Variants in SGCD observed in about 807,000 individuals in gnomAD.
The protein encoded by SGCD is delta-sarcoglycan.
In SGCD, 18 loss-of-function variants were observed where a neutral mutation model predicts 36.6. The ratio of observed to expected loss-of-function variants is 0.49; its 90% CI spans 0.34 to 0.73. The LOEUF (loss-of-function observed/expected upper bound fraction) is 0.73. Ranked by LOEUF, SGCD falls within the 30% of genes least tolerant of loss-of-function variation. The pLI is 0.01. For missense variants in SGCD, 387 were observed against 346.7 expected (o/e 1.12, Z -0.92); for synonymous variants, 133 against 130.6 (o/e 1.02, Z -0.12).
intron 7 of SGCD, among the ~76,000 whole-genome samples, chr5:156,695,124 G>T (rs1033012923): frequency 5.9e-5 from 7 of 118,624 alleles, no homozygotes; most frequent in Non-Finnish European, 1.1e-4. Context: ...GTGTGTGTGT[G>T]TGTGTGTGTG....
intron 3 of SGCD, among the ~76,000 whole-genome samples, chr5:156,200,371 G>T (rs1040697595): frequency 2.6e-5 from 4 of 152,046 alleles, no homozygotes; most frequent in African/African-American, 9.7e-5. Flanking sequence ...TGCATATATG[G>T]GCAAATAATT....
intron 6 of SGCD, among the ~76,000 whole-genome samples, chr5:156,595,535 A>T (rs1760892187): frequency 6.6e-6 from 1 of 151,940 alleles, no homozygotes; most frequent in South Asian, 2.1e-4. Context: ...AGGCAGTTGA[A>T]CCTCCCTGAG....
chr5:156,425,010 C>A (rs1338020921), intron 3 of SGCD, among the ~76,000 whole-genome samples: 3 of 151,974 alleles, frequency 2.0e-5, no homozygotes, highest in African/African-American at 7.2e-5. Context: ...CAGCATAAAC[C>A]CTATTGTCGA....
intron 4 of SGCD, among the ~76,000 whole-genome samples, chr5:156,514,411 G>A (rs1323391868): frequency 6.6e-6 from 1 of 152,170 alleles, no homozygotes; most frequent in Non-Finnish European, 1.5e-5. Context: ...TTTGAGGGTG[G>A]GTATAGGGCT....
intron 3 of SGCD, among the ~76,000 whole-genome samples, chr5:156,269,368 G>A (rs1001700020): frequency 3.3e-5 from 5 of 150,688 alleles, no homozygotes; most frequent in African/African-American, 1.2e-4. Flanking sequence ...TACTCAGGAG[G>A]CTGAAGCAGG....
At chr5:156,085,327 C>T (rs147079942) in intron 1 of SGCD, among the ~76,000 whole-genome samples, 14 of 152,192 alleles carry the variant, frequency 9.2e-5, no homozygotes, top group Middle Eastern at 3.4e-3. Flanking sequence ...TTATGGGGGA[C>T]GATCCCTCAT....
Position 156,540,909 on chromosome 5 carries a change from C to T in SGCD, c.294+32207C>T, listed in dbSNP as rs78756971. 0.012 allele frequency among the ~76,000 whole-genome samples: 1,884 copies of T among 152,176 alleles called. 93 individuals carry two copies. In the East Asian group the frequency reaches 0.17, roughly 14 times the overall value. ...ATTTTTTAAAAGATAAACATTTTCC[C>T]GCTTCCATGGAGTTAATAATCTAGT... is the stretch of plus-strand genomic sequence containing the variant. On this transcript the variant is annotated intron_variant, in intron 4 of 8. Transcript: ENST00000337851.
intron 3 of SGCD, among the ~76,000 whole-genome samples, chr5:156,405,759 G>T (rs754724590): frequency 6.6e-6 from 1 of 152,036 alleles, no homozygotes; most frequent in African/African-American, 2.4e-5. Context: ...AGTCCTGTGC[G>T]GTTTAGTTTC....
intron 3 of SGCD, among the ~76,000 whole-genome samples, chr5:156,184,030 C>A (rs1763672793): frequency 6.6e-6 from 1 of 152,128 alleles, no homozygotes; most frequent in South Asian, 2.1e-4. Flanking sequence ...CCTAACCTAC[C>A]AAACATCATA....
At chr5:155,835,002 A>ATTTTTTTTTTTTTTT in the SGCD span, among the ~76,000 whole-genome samples, 73 of 60,174 alleles carry the variant, frequency 1.2e-3, 19 homozygotes, top group South Asian at 3.8e-3. Context: ...TGCCCAGCTA[A>ATTTTTTTTTTTTTTT]TTTTTTTTTT....
intron 3 of SGCD, among the ~76,000 whole-genome samples, chr5:156,133,261 A>T (rs902917717): frequency 3.3e-5 from 5 of 152,242 alleles, no homozygotes; most frequent in African/African-American, 1.2e-4. Flanking sequence ...AGGTCAAAGC[A>T]GATTGAGCTA....
At chr5:156,539,458 G>A (rs1052670279) in intron 4 of SGCD, among the ~76,000 whole-genome samples, 1 of 150,890 alleles carries the variant, frequency 6.6e-6, no homozygotes, top group African/African-American at 2.4e-5. Context: ...TCATTCTCAT[G>A]CCTTTGTATC....
chr5:156,145,951 T>G (rs375344099), intron 3 of SGCD, among the ~76,000 whole-genome samples: 3 of 152,158 alleles, frequency 2.0e-5, no homozygotes, highest in Non-Finnish European at 4.4e-5. Context: ...TGGTGGCTCA[T>G]GCCTGTAATA....
chr5:156,188,506 CTG>C (rs1763814353), intron 3 of SGCD, among the ~76,000 whole-genome samples: 1 of 152,054 alleles, frequency 6.6e-6, no homozygotes, highest in Admixed American at 6.6e-5. Context: ...CTGGAGTTTC[CTG>C]TGTTGCAAAA....
chr5:156,161,743 T>G (rs1353040840), intron 3 of SGCD, among the ~76,000 whole-genome samples: 1 of 151,784 alleles, frequency 6.6e-6, no homozygotes. Flanking sequence ...TCCTCATCTT[T>G]CCTTCCTACT....
At chr5:155,962,042 G>A (rs906893808) in intron 1 of SGCD, among the ~76,000 whole-genome samples, 1 of 151,982 alleles carries the variant, frequency 6.6e-6, no homozygotes, top group Non-Finnish European at 1.5e-5. Flanking sequence ...TTTAATCATT[G>A]CAACATCTAA....
intron 1 of SGCD, among the ~76,000 whole-genome samples, chr5:155,917,303 G>A (rs987255196): frequency 6.6e-5 from 10 of 152,078 alleles, no homozygotes; most frequent in South Asian, 2.1e-4. Context: ...GGTGGGCCTC[G>A]GTGGCCTCCT....
intron 6 of SGCD, among the ~76,000 whole-genome samples, chr5:156,625,345 C>G (rs1431298771): frequency 6.6e-6 from 1 of 151,882 alleles, no homozygotes; most frequent in African/African-American, 2.4e-5. Context: ...ATACAGTTGC[C>G]AACACATTAA....
At chr5:156,027,563 G>T (rs1016291552) in intron 1 of SGCD, among the ~76,000 whole-genome samples, 3 of 152,066 alleles carry the variant, frequency 2.0e-5, no homozygotes, top group African/African-American at 7.2e-5. Flanking sequence ...TGACAGGGGA[G>T]GTGGGGTGGA....
Sources: allele counts gnomAD v4.1 joint callset (sites outside exome capture counted in the v4.1 genomes callset), GRCh38; gene constraint gnomAD v4.1.1; transcripts MANE v1.5; gene names NCBI Gene and HGNC (gene_info 2026-07-23, HGNC 2026-07-21).